USH2A: variants seen among roughly 807,000 people sequenced by gnomAD.
The protein encoded by USH2A is Usher syndrome 2A (autosomal recessive, mild).
A neutral mutation model predicts 538.9 loss-of-function variants in USH2A; 443 were observed. The observed-to-expected ratio is 0.82, with a 90% confidence interval of 0.76 to 0.89. USH2A has a LOEUF of 0.89. Among genes scored for constraint, USH2A ranks in the 40% least tolerant of loss-of-function variants. The pLI is 0.00. For missense variants in USH2A, 6,633 were observed against 6,324.8 expected (o/e 1.05, Z -1.65); for synonymous variants, 2,413 against 2,273.5 (o/e 1.06, Z -1.75).
chr1:215,983,456 A>T (rs1417463321), intron 35 of USH2A, among the ~76,000 whole-genome samples: 2 of 152,218 alleles, frequency 1.3e-5, no homozygotes, highest in East Asian at 3.9e-4. Flanking sequence ...GCAAGCCGCC[A>T]CTAGAATCTT....
chr1:216,046,873 A>T (rs1024637649), intron 31 of USH2A, among the ~76,000 whole-genome samples: 1 of 152,168 alleles, frequency 6.6e-6, no homozygotes, highest in Admixed American at 6.5e-5. Flanking sequence ...CATAATCTCT[A>T]TGTGGGACTG....
intron 37 of USH2A, among the ~76,000 whole-genome samples, chr1:215,942,799 T>C (rs2102507301): frequency 6.6e-6 from 1 of 152,198 alleles, no homozygotes. Flanking sequence ...CTCTCCAATA[T>C]GTAGAGAAAT....
At chr1:215,798,837 AG>A in intron 50 of USH2A, 69 bp downstream of exon 50, 1 of 1,571,100 alleles carries the variant, frequency 6.4e-7, no homozygotes, top group Non-Finnish European at 8.8e-7. Context: ...TTTTATTTCT[AG>A]GGCAAATTTC....
chr1:216,036,890 G>C (rs879277083), intron 32 of USH2A, among the ~76,000 whole-genome samples: 3 of 151,980 alleles, frequency 2.0e-5, no homozygotes, highest in Admixed American at 6.6e-5. Context: ...CTAAGAAAAA[G>C]ACAGTGACAA....
intron 38 of USH2A, among the ~76,000 whole-genome samples, chr1:215,915,432 C>T (rs1484432611): frequency 6.6e-6 from 1 of 152,016 alleles, no homozygotes; most frequent in African/African-American, 2.4e-5. Context: ...ACAAATGTGT[C>T]GTTTAAATTT....
intron 38 of USH2A, among the ~76,000 whole-genome samples, chr1:215,904,265 T>C (rs914374158): frequency 6.6e-6 from 1 of 152,088 alleles, no homozygotes; most frequent in African/African-American, 2.4e-5. Flanking sequence ...ATTACCTTTC[T>C]ATTAAGACAG....
intron 44 of USH2A, among the ~76,000 whole-genome samples, chr1:215,853,238 C>T (rs748508032): frequency 1.3e-5 from 2 of 152,226 alleles, no homozygotes; most frequent in African/African-American, 2.4e-5. Context: ...GCTGCCAGGT[C>T]TTGGGGGTTG....
At chr1:216,318,126 A>G (rs574138732) in intron 9 of USH2A, among the ~76,000 whole-genome samples, 18 of 152,324 alleles carry the variant, frequency 1.2e-4, no homozygotes, top group Non-Finnish European at 2.6e-4. Context: ...AGGAAAGACA[A>G]TTGCCAAGAA....
At chr1:215,970,550 C>T in intron 36 of USH2A, 75 bp downstream of exon 36, 1 of 1,596,070 alleles carries the variant, frequency 6.3e-7, no homozygotes, top group Non-Finnish European at 8.6e-7. Context: ...TGAGTCACCG[C>T]CACTTACTTC....
chr1:215,721,231 T>G (rs927426580), intron 61 of USH2A, among the ~76,000 whole-genome samples: 3 of 152,098 alleles, frequency 2.0e-5, no homozygotes, highest in African/African-American at 7.2e-5. Flanking sequence ...CCAGCCACCA[T>G]GCTTGGCTAA....
intron 33 of USH2A, among the ~76,000 whole-genome samples, chr1:215,999,526 T>C (rs1448524171): frequency 1.3e-5 from 2 of 152,200 alleles, no homozygotes; most frequent in African/African-American, 2.4e-5. Flanking sequence ...AGTGACACAC[T>C]ACTTAGATAC....
chr1:215,783,633 A>AT (rs1661710329), intron 52 of USH2A, among the ~76,000 whole-genome samples: 1 of 152,242 alleles, frequency 6.6e-6, no homozygotes, highest in South Asian at 2.1e-4. Context: ...TCTTAGTTCC[A>AT]TTTAGGCTTT....
At chr1:216,046,270 A>G (rs950323784) in intron 32 of USH2A, among the ~76,000 whole-genome samples, 161 bp downstream of exon 32, 1 of 152,106 alleles carries the variant, frequency 6.6e-6, no homozygotes, top group African/African-American at 2.4e-5. Flanking sequence ...TAGAATTTAT[A>G]TTATTTTTAA....
At chr1:216,313,932 G>C (rs1316937437) in intron 9 of USH2A, among the ~76,000 whole-genome samples, 1 of 151,986 alleles carries the variant, frequency 6.6e-6, no homozygotes, top group African/African-American at 2.4e-5. Flanking sequence ...TTTTCTCTCT[G>C]GCTGTTTTTA....
At chr1:216,050,269 A>G (rs2030701480) in intron 30 of USH2A, among the ~76,000 whole-genome samples, 1 of 152,158 alleles carries the variant, frequency 6.6e-6, no homozygotes, top group Non-Finnish European at 1.5e-5. Context: ...GATTGGCCAT[A>G]TGTACATGGG....
intron 24 of USH2A, among the ~76,000 whole-genome samples, chr1:216,086,024 T>G (rs2032120108): frequency 6.6e-6 from 1 of 152,148 alleles, no homozygotes; most frequent in Admixed American, 6.6e-5. Flanking sequence ...AGGCACCCTG[T>G]GATTCTTAAT....
At chr1:216,019,508 G>GA (rs1311398483) in intron 32 of USH2A, among the ~76,000 whole-genome samples, 1 of 152,028 alleles carries the variant, frequency 6.6e-6, no homozygotes, top group Admixed American at 6.6e-5. Context: ...CATGAACTTG[G>GA]AAAAAAATAG....
intron 32 of USH2A, among the ~76,000 whole-genome samples, chr1:216,043,765 T>C (rs1164604208): frequency 6.6e-6 from 1 of 152,124 alleles, no homozygotes; most frequent in African/African-American, 2.4e-5. Context: ...TAACCTCATA[T>C]GGAGTTCTGT....
intron 4 of USH2A, among the ~76,000 whole-genome samples, chr1:216,357,376 A>G (rs1023695263): frequency 6.6e-6 from 1 of 152,070 alleles, no homozygotes; most frequent in African/African-American, 2.4e-5. Flanking sequence ...ATTCTCTCTG[A>G]AAAAAATTAG....
Sources: allele counts gnomAD v4.1 joint callset (sites outside exome capture counted in the v4.1 genomes callset), GRCh38; gene constraint gnomAD v4.1.1; transcripts MANE v1.5; gene names NCBI Gene and HGNC (gene_info 2026-07-23, HGNC 2026-07-21).